SGCZ: variants seen among roughly 807,000 people sequenced by gnomAD.
SGCZ encodes the protein zeta-sarcoglycan.
A neutral mutation model predicts 41.3 loss-of-function variants in SGCZ; 40 were observed. The ratio of observed to expected loss-of-function variants is 0.97; its 90% CI spans 0.75 to 1.26. SGCZ has a LOEUF of 1.26. Among genes scored for constraint, SGCZ ranks in the 50% most tolerant of loss-of-function variants. The pLI, the probability that SGCZ is intolerant of heterozygous loss-of-function variation, is 0.00. For missense variants in SGCZ, 552 were observed against 369.8 expected (o/e 1.49, Z -4.04); for synonymous variants, 206 against 137.5 (o/e 1.50, Z -3.49).
chr8:14,797,972 A>T (rs766414718), intron 1 of SGCZ, among the ~76,000 whole-genome samples: 11 of 152,206 alleles, frequency 7.2e-5, no homozygotes, highest in Non-Finnish European at 1.3e-4. Context: ...ATTTCAGAGG[A>T]TGTAGGGAAA....
chr8:14,106,550 G>A (rs982247882), intron 6 of SGCZ, among the ~76,000 whole-genome samples: 3 of 152,102 alleles, frequency 2.0e-5, no homozygotes, highest in Admixed American at 6.5e-5. Context: ...TTTATCATAG[G>A]ACTCTGACTA....
chr8:14,950,723 T>C (rs1800603420), intron 1 of SGCZ, among the ~76,000 whole-genome samples: 1 of 151,986 alleles, frequency 6.6e-6, no homozygotes, highest in South Asian at 2.1e-4. Context: ...TGAGCCAAAG[T>C]AAAACATAAA....
intron 1 of SGCZ, among the ~76,000 whole-genome samples, chr8:14,862,372 G>A (rs1322257951): frequency 6.6e-6 from 1 of 151,850 alleles, no homozygotes; most frequent in African/African-American, 2.4e-5. Flanking sequence ...AAGTGTGGCT[G>A]TTGTGCAAAT....
chr8:14,204,605 T>C (rs1022548515), intron 4 of SGCZ, among the ~76,000 whole-genome samples: 1 of 152,162 alleles, frequency 6.6e-6, no homozygotes, highest in Non-Finnish European at 1.5e-5. Context: ...TCAGAGGAGA[T>C]TGTGTATGAG....
At chr8:14,117,089 T>C (rs1343096395) in intron 5 of SGCZ, among the ~76,000 whole-genome samples, 2 of 152,132 alleles carry the variant, frequency 1.3e-5, no homozygotes, top group African/African-American at 4.8e-5. Flanking sequence ...CATGTATCTT[T>C]AAAGATGGTC....
At chr8:14,457,895 G>A (rs1800794681) in intron 2 of SGCZ, among the ~76,000 whole-genome samples, 2 of 152,160 alleles carry the variant, frequency 1.3e-5, no homozygotes, top group Non-Finnish European at 2.9e-5. Context: ...ATTGGTGGTA[G>A]TGGTCCCCGG....
chr8:15,025,921 A>C (rs1385216468), intron 1 of SGCZ, among the ~76,000 whole-genome samples: 2 of 151,974 alleles, frequency 1.3e-5, no homozygotes, highest in Admixed American at 1.3e-4. Flanking sequence ...TTCCTGTAGC[A>C]TATATAAACT....
intron 3 of SGCZ, among the ~76,000 whole-genome samples, chr8:14,280,585 C>A (rs1466012476): frequency 6.6e-6 from 1 of 151,862 alleles, no homozygotes. Context: ...AATCGGAAAT[C>A]TCTGAGGATG....
intron 1 of SGCZ, among the ~76,000 whole-genome samples, chr8:14,733,207 A>C (rs1798920648): frequency 6.6e-6 from 1 of 152,142 alleles, no homozygotes; most frequent in Admixed American, 6.5e-5. Flanking sequence ...CAGGTACCCC[A>C]GGTATCTAGG....
chr8:14,830,645 A>G (rs1467013211), intron 1 of SGCZ, among the ~76,000 whole-genome samples: 1 of 152,176 alleles, frequency 6.6e-6, no homozygotes, highest in Non-Finnish European at 1.5e-5. Context: ...AGACAAAACT[A>G]ATAATTATTT....
At chr8:15,138,847 C>A (rs1341599589) in intron 1 of SGCZ, among the ~76,000 whole-genome samples, 1 of 152,100 alleles carries the variant, frequency 6.6e-6, no homozygotes, top group Non-Finnish European at 1.5e-5. Flanking sequence ...GACGGAGAAC[C>A]AAAAGGAAGA....
intron 5 of SGCZ, among the ~76,000 whole-genome samples, chr8:14,153,882 C>T (rs537456806): frequency 4.6e-5 from 7 of 151,344 alleles, no homozygotes; most frequent in African/African-American, 1.7e-4. Context: ...AGAAGAGACA[C>T]CAGGTCGGTC....
intron 1 of SGCZ, among the ~76,000 whole-genome samples, chr8:15,056,547 A>G (rs1032070994): frequency 2.0e-5 from 3 of 152,082 alleles, no homozygotes; most frequent in Non-Finnish European, 4.4e-5. Context: ...GGTGAGCAAA[A>G]AAAAAAAAAC....
intron 1 of SGCZ, among the ~76,000 whole-genome samples, chr8:15,134,710 T>A (rs767882217): frequency 6.6e-6 from 1 of 152,226 alleles, no homozygotes; most frequent in Non-Finnish European, 1.5e-5. Context: ...TTATTTCCTA[T>A]GACACACTTG....
chr8:14,540,720 G>A (rs749240008), intron 2 of SGCZ, among the ~76,000 whole-genome samples: 1 of 151,778 alleles, frequency 6.6e-6, no homozygotes, highest in African/African-American at 2.4e-5. Flanking sequence ...ATTGAGGATA[G>A]TAGTCATTTG....
At chr8:14,603,642 G>C (rs1805660294) in intron 1 of SGCZ, among the ~76,000 whole-genome samples, 1 of 152,024 alleles carries the variant, frequency 6.6e-6, no homozygotes, top group Admixed American at 6.5e-5. Context: ...GAGATAGAAA[G>C]ACCCACAAAT....
chr8:14,235,753 C>T (rs189590833), intron 4 of SGCZ, among the ~76,000 whole-genome samples: 2 of 152,106 alleles, frequency 1.3e-5, no homozygotes, highest in South Asian at 2.1e-4. Context: ...GGCCCAATCT[C>T]GGCTCACTGC....
At chr8:14,954,463 G>A (rs948307708) in intron 1 of SGCZ, among the ~76,000 whole-genome samples, 8 of 152,146 alleles carry the variant, frequency 5.3e-5, no homozygotes, top group African/African-American at 1.9e-4. Context: ...GTGCACAGGA[G>A]TTGCAGCTTG....
At chr8:14,571,421 C>T (rs1464684377) in intron 1 of SGCZ, among the ~76,000 whole-genome samples, 6 of 152,274 alleles carry the variant, frequency 3.9e-5, no homozygotes, top group Non-Finnish European at 8.8e-5. Flanking sequence ...CACCTGTCCA[C>T]GGAGGCAGGC....
Sources: gnomAD v4.1 joint callset for allele counts (sites outside exome capture counted in the v4.1 genomes callset) on GRCh38, gnomAD v4.1.1 for gene constraint, MANE v1.5 for transcripts, NCBI Gene and HGNC (gene_info 2026-07-23, HGNC 2026-07-21) for gene names.